PLCG2: variants seen among roughly 807,000 people sequenced by gnomAD.
The protein encoded by PLCG2 is phospholipase C gamma 2.
A neutral mutation model predicts 175.6 loss-of-function variants in PLCG2; 69 were observed. That is an observed-to-expected ratio of 0.39 (90% confidence interval 0.32 to 0.48). The LOEUF is 0.48. PLCG2 is among the 20% of genes least tolerant of loss of function. The pLI is 0.91. For synonymous variants in PLCG2, 827 were observed against 624.0 expected (o/e 1.33, Z -4.85); for missense variants, 1,798 against 1,650.9 (o/e 1.09, Z -1.54).
chr16:81,802,029 G>A (rs1471561696), intron 2 of PLCG2, among the ~76,000 whole-genome samples: 1 of 145,802 alleles, frequency 6.9e-6, no homozygotes, highest in African/African-American at 2.5e-5. Context: ...CTGTGCAGAG[G>A]TGCCCACCAA....
intron 30 of PLCG2, among the ~76,000 whole-genome samples, chr16:81,942,076 C>G (rs984400678): frequency 1.7e-4 from 26 of 152,284 alleles, no homozygotes; most frequent in African/African-American, 6.3e-4. Context: ...AGCCTTGACG[C>G]TGTAACAGAT....
chr16:81,925,862 G>A (rs749457670), intron 22 of PLCG2, among the ~76,000 whole-genome samples: 15 of 149,594 alleles, frequency 1.0e-4, no homozygotes, highest in Middle Eastern at 3.4e-3. Context: ...CTCCAGCCTG[G>A]GGGACAGAGT....
chr16:81,852,150 T>C (rs1567498522), intron 2 of PLCG2: 1 of 152,202 alleles, frequency 6.6e-6, no homozygotes. Context: ...TGATAACACT[T>C]TCTTCCATGG....
intron 2 of PLCG2, among the ~76,000 whole-genome samples, chr16:81,822,710 G>A (rs112942016): frequency 2.4e-4 from 31 of 128,518 alleles, no homozygotes; most frequent in African/African-American, 8.8e-4. Context: ...TGAGTGAACC[G>A]AGTTCATGCC....
At position 81,908,492 on chromosome 16, in the gene PLCG2, A is replaced by G. The variant is rs1555519355; in HGVS notation, c.1634A>G (p.Lys545Arg). ...GTGGAGAAGAGGACGAGTGCCGAGAAGTTGCTGCAGGAATACTGCATGGAG... is the reference window on the plus strand; with the variant it reads ...GTGGAGAAGAGGACGAGTGCCGAGAGGTTGCTGCAGGAATACTGCATGGAG... ...KKVEKRTSAE[K>R]LLQEYCMETG... Residue 545 changes from lysine to arginine, a missense_variant, in exon 17 of 33, where the codon AAG (lysine) becomes AGG (arginine). Physicochemically the swap from Lys to Arg is conservative, Grantham distance 26. Transcript: ENST00000564138. 3.1e-6 allele frequency: 5 copies of G among 1,613,994 alleles called. No individual in the cohort carries two copies. Among genetic ancestry groups the G allele is most frequent in the Non-Finnish European group, 4.2e-6 (5 of 1,180,014 alleles).
intron 26 of PLCG2, among the ~76,000 whole-genome samples, chr16:81,935,304 G>C (rs1910661588): frequency 6.6e-6 from 1 of 151,918 alleles, no homozygotes. Context: ...GGTCCACCTG[G>C]ATATTCCAGA....
At position 81,960,472 on chromosome 16, in the gene PLCG2, G is replaced by A. The variant is rs1421908545; in HGVS notation, c.*2474G>A. The A allele has an allele frequency of 4.4e-6, 1 of 229,458 alleles. No homozygotes were observed. Among genetic ancestry groups the A allele is most frequent in the African/African-American group, 2.2e-5 (1 of 45,138 alleles). The allele number at this position is 229,458 out of a possible 1,614,324, so 14.2% of individuals were successfully genotyped here. On this transcript the variant is annotated 3_prime_UTR_variant, in exon 33 of 33. Transcript: ENST00000564138. Reference sequence around the variant, plus strand: ...CCTAAGTGTGTTATTTAGAATATTGGTTATTACAAGGAAAAATAAAGTGGG... The same window carrying A: ...CCTAAGTGTGTTATTTAGAATATTGATTATTACAAGGAAAAATAAAGTGGG...
intron 12 of PLCG2, among the ~76,000 whole-genome samples, chr16:81,894,094 C>A (rs992750358): frequency 5.9e-5 from 9 of 151,598 alleles, no homozygotes; most frequent in African/African-American, 2.2e-4. Context: ...GCACAGGTAC[C>A]GCGTATCACC....
intron 3 of PLCG2, among the ~76,000 whole-genome samples, chr16:81,855,636 G>T (rs1253941453): frequency 6.6e-6 from 1 of 152,214 alleles, no homozygotes; most frequent in Non-Finnish European, 1.5e-5. Flanking sequence ...TCGACTTGGG[G>T]AGACAGATGT....
At chr16:81,805,762 GTTTTGTTTTTT>G (rs1911981000) in intron 2 of PLCG2, among the ~76,000 whole-genome samples, 1 of 38,910 alleles carries the variant, frequency 2.6e-5, no homozygotes, top group Admixed American at 2.0e-4. Context: ...GTAGTGTTTT[GTTTTGTTTTTT>G]TTTTTTTTTG....
chr16:81,892,208 AG>A (rs1286519120), intron 11 of PLCG2, among the ~76,000 whole-genome samples: 1 of 152,162 alleles, frequency 6.6e-6, no homozygotes, highest in Non-Finnish European at 1.5e-5. Flanking sequence ...CGGTGTCAGG[AG>A]GGGAGGAAGG....
chr16:81,892,296 A>G (rs572727400), intron 11 of PLCG2, among the ~76,000 whole-genome samples: 7 of 152,298 alleles, frequency 4.6e-5, no homozygotes, highest in Admixed American at 3.3e-4. Flanking sequence ...TAACCAGAAG[A>G]TGAGATGCTC....
intron 2 of PLCG2, among the ~76,000 whole-genome samples, chr16:81,839,066 A>G (rs1905683245): frequency 6.6e-6 from 1 of 152,132 alleles, no homozygotes; most frequent in South Asian, 2.1e-4. Context: ...TTCTAGGTAG[A>G]ATTTAATCAT....
chr16:81,957,796 C>T (rs929537716), intron 32 of PLCG2, among the ~76,000 whole-genome samples, 160 bp from the exon 33 acceptor site: 1 of 152,124 alleles, frequency 6.6e-6, no homozygotes, highest in Non-Finnish European at 1.5e-5. Context: ...TGAGTCTCAA[C>T]GTCTTACCAG....
At chr16:81,925,006 G>A (rs1393473867) in intron 22 of PLCG2, among the ~76,000 whole-genome samples, 7 of 152,254 alleles carry the variant, frequency 4.6e-5, no homozygotes, top group Admixed American at 3.9e-4. Flanking sequence ...ATCCTGGTGC[G>A]CACTGGGTGG....
rs924394860 is a variant in PLCG2, at chr16:81,961,253, C to A, written c.*3255C>A. On this transcript the variant is annotated 3_prime_UTR_variant, in exon 33 of 33. Coordinates refer to ENST00000564138, the MANE Select transcript of PLCG2 (RefSeq NM_002661.5). ...TCTGTGTGAACAAGGATCAACATCT[C>A]CATAAATGAAATTGAAAACGGAAAA... 8.9e-6 allele frequency: 2 copies of A among 225,576 alleles called. No homozygotes were observed. Among genetic ancestry groups the A allele is most frequent in the Non-Finnish European group, 1.8e-5 (2 of 113,458 alleles). The allele number at this position is 225,576 out of a possible 1,614,324, so 14.0% of individuals were successfully genotyped here. A position where few individuals can be genotyped will look rare whatever the true frequency, so the allele number is the denominator to read the frequency against.
Position 81,824,004 on chromosome 16 carries a change from TTTTCCTTTCCTTTCCTTTCC to T in PLCG2, c.194-30413_194-30394del, listed in dbSNP as rs71146048. Among the ~76,000 whole-genome samples, 192 of 85,864 alleles carry T rather than the reference TTTTCCTTTCCTTTCCTTTCC, an allele frequency of 2.2e-3. 2 individuals are homozygous for T. The highest frequency in any genetic ancestry group is 8.5e-3 in the African/African-American group (181 of 21,176). 56.3% of individuals were successfully genotyped at this position (85,864 alleles called of 152,430 possible). On this transcript the variant is annotated intron_variant, in intron 2 of 32. Transcript: ENST00000564138. Reference sequence around the variant, plus strand: ...TCCTTCTTTTTCTGTTTCTTTTTCTTTTTCCTTTCCTTTCCTTTCCTTTCCTTTCCTTTCCTTTCCTTTCC... The same window carrying T: ...TCCTTCTTTTTCTGTTTCTTTTTCTTTTTCCTTTCCTTTCCTTTCCTTTCC...
chr16:81,811,210 G>T (rs1048428432), intron 2 of PLCG2, among the ~76,000 whole-genome samples: 3 of 152,166 alleles, frequency 2.0e-5, no homozygotes, highest in Non-Finnish European at 4.4e-5. Flanking sequence ...CTCCCTCCTT[G>T]GGTCTCAGTG....
chr16:81,909,098 C>T (rs11863115), intron 17 of PLCG2, among the ~76,000 whole-genome samples: 4,056 of 152,330 alleles, frequency 0.027, 184 homozygotes, highest in African/African-American at 0.093. Flanking sequence ...TTAAAAGATA[C>T]TTCTTGAGGG....
Sources: gnomAD v4.1 joint callset for allele counts (sites outside exome capture counted in the v4.1 genomes callset) on GRCh38, gnomAD v4.1.1 for gene constraint, MANE v1.5 for transcripts, NCBI Gene and HGNC (gene_info 2026-07-23, HGNC 2026-07-21) for gene names.